Variants in WRN observed in about 807,000 individuals in gnomAD.
The protein encoded by WRN is bifunctional 3'-5' exonuclease/ATP-dependent helicase WRN.
WRN carries 149 observed loss-of-function variants against 180.7 expected under a neutral mutation model. That is an observed-to-expected ratio of 0.82 (90% CI 0.72 to 0.94). WRN has a LOEUF of 0.94. Ranked by LOEUF, WRN falls within the 40% of genes least tolerant of loss-of-function variation. WRN has a pLI of 0.00. For missense variants in WRN, 1,661 were observed against 1,700.1 expected (o/e 0.98, Z 0.40); for synonymous variants, 548 against 568.9 (o/e 0.96, Z 0.52).
rs1457303497 is a variant in WRN, at chr8:31,059,206, T to G, written c.150T>G (p.Thr50=). ...ATGACCTCCCCTTCTTAGAATTCAC[T>G]GGATCCATTGTGTATAGTTACGATG... ...FEDDLPFLEF[T]GSIVYSYDAS... is the part of the protein sequence containing the mutation. The change falls in exon 3 of 35, where the codon ACT becomes ACG. Residue 50 remains threonine (T), a synonymous_variant. Coordinates refer to ENST00000298139, the MANE Select transcript of WRN (RefSeq NM_000553.6). 1 of 1,613,918 alleles carries G rather than the reference T, an allele frequency of 6.2e-7. No individual in the cohort carries two copies. Among genetic ancestry groups the G allele is most frequent in the Admixed American group, 1.7e-5 (1 of 60,032 alleles).
intron 11 of WRN, among the ~76,000 whole-genome samples, chr8:31,085,670 A>G (rs11574234): frequency 0.018 from 2,801 of 152,024 alleles, 70 homozygotes; most frequent in African/African-American, 0.064. Flanking sequence ...GGGTTTCACC[A>G]TGTTGCCCAG....
chr8:31,150,312 G>C (rs779921582), intron 30 of WRN, 29 bp from the exon 31 acceptor site: 1 of 1,448,394 alleles, frequency 6.9e-7, no homozygotes, highest in Admixed American at 1.7e-5. Context: ...TGACCTTTTT[G>C]TTGTTGTTGT....
intron 18 of WRN, among the ~76,000 whole-genome samples, chr8:31,109,578 A>G (rs927310228): frequency 6.6e-6 from 1 of 152,134 alleles, no homozygotes; most frequent in Non-Finnish European, 1.5e-5. Flanking sequence ...TGAAGTTGTT[A>G]TATAGAATTC....
Position 31,098,657 on chromosome 8 carries a change from C to G in WRN, c.1981+1807C>G, listed in dbSNP as rs1814088850. Among the ~76,000 whole-genome samples the G allele has an allele frequency of 2.0e-5, 3 of 152,188 alleles. No individual in the cohort carries two copies. The South Asian group carries it at 6.2e-4, about 31-fold the overall frequency. On this transcript the variant is annotated intron_variant, in intron 17 of 34. Coordinates refer to ENST00000298139, the MANE Select transcript of WRN (RefSeq NM_000553.6). ...CGCAGGATATTATTTGTACAGCAGT[C>G]TGACATTTAGCTAATCAGATTCCTC...
chr8:31,144,370 C>G, intron 28 of WRN, among the ~76,000 whole-genome samples: 1 of 146,718 alleles, frequency 6.8e-6, no homozygotes, highest in African/African-American at 2.5e-5. Context: ...GAGTCTCACT[C>G]TGTTGTTCAG....
In WRN at chr8:31,085,303, A is replaced by G. The variant is rs1240812991; in HGVS notation, c.1431+57A>G. ...AGTTCTTTCCAAAGGACATTTAATT[A>G]AGTAAAATATTAACTAATTCTAAAC... is the stretch of plus-strand genomic sequence containing the variant. On this transcript the variant is annotated intron_variant, in intron 11 of 34. Transcript: ENST00000298139. 7.6e-6 allele frequency: 12 copies of G among 1,588,804 alleles called. No individual in the cohort carries two copies. In the East Asian group the frequency reaches 2.7e-4, roughly 36 times the overall value.
rs1813662962 is a variant in WRN, at chr8:31,089,610, G to A, written c.1652+645G>A. Among the ~76,000 whole-genome samples the A allele has an allele frequency of 1.3e-5, 2 of 151,888 alleles. 1 individual carries two copies. The highest frequency in any genetic ancestry group is 4.2e-4 in the South Asian group (2 of 4,818). ...GTCTTACATACAGAAAAGTGCACAT[G>A]TTGTAGAGATCAATGAATTGTCATA... is the stretch of plus-strand genomic sequence containing the variant. On this transcript the variant is annotated intron_variant, in intron 13 of 34. Transcript: ENST00000298139.
At chr8:31,127,053 C>A (rs561937307) in intron 23 of WRN, among the ~76,000 whole-genome samples, 2 of 152,146 alleles carry the variant, frequency 1.3e-5, no homozygotes, top group South Asian at 4.1e-4. Flanking sequence ...CATAGTGTTA[C>A]AACCATTAGA....
chr8:31,118,148 A>G (rs757841567), intron 20 of WRN, among the ~76,000 whole-genome samples: 5 of 152,102 alleles, frequency 3.3e-5, no homozygotes, highest in Admixed American at 6.6e-5. Flanking sequence ...TTTCCTGCCA[A>G]TTCACAGCTT....
chr8:31,066,467 G>A (rs1361241235), intron 5 of WRN, among the ~76,000 whole-genome samples: 1 of 152,002 alleles, frequency 6.6e-6, no homozygotes, highest in Non-Finnish European at 1.5e-5. Context: ...ATTACATACA[G>A]TTTCTTTAAG....
chr8:31,151,497 G>A (rs1443613499), intron 31 of WRN, among the ~76,000 whole-genome samples: 2 of 152,016 alleles, frequency 1.3e-5, no homozygotes, highest in African/African-American at 2.4e-5. Flanking sequence ...GACATCATGT[G>A]AAAATTCTTA....
chr8:31,127,669 T>C (rs905573347), intron 23 of WRN, among the ~76,000 whole-genome samples: 5 of 152,102 alleles, frequency 3.3e-5, no homozygotes, highest in Admixed American at 2.0e-4. Context: ...ATTAGCACTT[T>C]GGGAGGCTGA....
chr8:31,097,606 C>G (rs555054007), intron 17 of WRN, among the ~76,000 whole-genome samples: 1 of 152,208 alleles, frequency 6.6e-6, no homozygotes, highest in Non-Finnish European at 1.5e-5. Flanking sequence ...GAGACCTCAT[C>G]TCTACAAATA....
chr8:31,136,665 G>A (rs1038134003), intron 24 of WRN, among the ~76,000 whole-genome samples: 2 of 152,044 alleles, frequency 1.3e-5, no homozygotes, highest in Non-Finnish European at 2.9e-5. Context: ...GCGAGACTCC[G>A]TCTCTATAAA....
chr8:31,123,963 A>G (rs1251061540), intron 21 of WRN, among the ~76,000 whole-genome samples: 1 of 152,112 alleles, frequency 6.6e-6, no homozygotes, highest in Non-Finnish European at 1.5e-5. Flanking sequence ...TGAGAAAGGA[A>G]CTTAATTCTA....
chr8:31,105,377 T>C (rs1187660757), intron 18 of WRN, among the ~76,000 whole-genome samples: 1 of 152,220 alleles, frequency 6.6e-6, no homozygotes, highest in Admixed American at 6.5e-5. Flanking sequence ...CTTTTAATGT[T>C]GGCCTTCCAG....
chr8:31,150,342 C>T lies in WRN; in HGVS notation c.3574C>T (p.Pro1192Ser). The T allele has an allele frequency of 1.9e-6, 3 of 1,613,438 alleles. No homozygotes were observed. Among genetic ancestry groups the T allele is most frequent in the Non-Finnish European group, 2.5e-6 (3 of 1,179,420 alleles). The change falls in exon 31 of 35, where the codon CCA (proline) becomes TCA (serine). Residue 1192 changes from proline (P) to serine (S), a missense_variant and splice_region_variant. Physicochemically the swap from Pro to Ser is moderately conservative, Grantham distance 74. Around this residue, in one of 3 missense-constraint regions of WRN, gnomAD observed 1,141 missense variants for 1,149.4 expected, o/e 0.99. Coordinates refer to ENST00000298139, the MANE Select transcript of WRN (RefSeq NM_000553.6). ...KILVDMAKMR[P>S]TTVENVKRID... ...TGTTGTTGTTGTTGTTAAACACAGACCAACTACGGTTGAAAACGTAAAAAG... is the reference window on the plus strand; with the variant it reads ...TGTTGTTGTTGTTGTTAAACACAGATCAACTACGGTTGAAAACGTAAAAAG...
intron 19 of WRN, among the ~76,000 whole-genome samples, chr8:31,114,418 G>T (rs1167923487): frequency 6.6e-6 from 1 of 152,112 alleles, no homozygotes; most frequent in Admixed American, 6.5e-5. Context: ...AAAGTCTGTA[G>T]CAAATCACTT....
intron 7 of WRN, among the ~76,000 whole-genome samples, chr8:31,075,286 T>A (rs1813055147): frequency 2.0e-5 from 3 of 152,064 alleles, no homozygotes; most frequent in Admixed American, 6.6e-5. Context: ...ACAAGAGAAA[T>A]GATGATGAAT....
Sources: gnomAD v4.1 joint callset for allele counts (sites outside exome capture counted in the v4.1 genomes callset) on GRCh38, gnomAD v4.1.1 for gene constraint, gnomAD v4.1.1 regional missense constraint, MANE v1.5 for transcripts, NCBI Gene and HGNC (gene_info 2026-07-23, HGNC 2026-07-21) for gene names.